ROBO2: variants seen among roughly 807,000 people sequenced by gnomAD.
ROBO2 encodes the protein roundabout homolog 2.
In ROBO2, 53 loss-of-function variants were observed where a neutral mutation model predicts 160.8. The observed-to-expected ratio is 0.33, with a 90% CI of 0.26 to 0.41. The LOEUF (loss-of-function observed/expected upper bound fraction) is 0.41. ROBO2 is among the 10% of genes least tolerant of loss of function. The probability of loss-of-function intolerance (pLI) is 1.00; values close to 1 mark genes in which losing one functional copy is unlikely to be tolerated. For missense variants in ROBO2, 1,577 were observed against 1,722.4 expected (o/e 0.92, Z 1.49); for synonymous variants, 664 against 611.7 (o/e 1.09, Z -1.26).
intron 2 of ROBO2, among the ~76,000 whole-genome samples, chr3:76,557,897 A>C (rs567557959): frequency 9.4e-4 from 143 of 152,058 alleles, no homozygotes; most frequent in African/African-American, 3.4e-3. Flanking sequence ...AAAAAAAAAA[A>C]AAACTACTTG....
chr3:76,023,659 T>C (rs9985231), intron 2 of ROBO2, among the ~76,000 whole-genome samples: 2,019 of 151,582 alleles, frequency 0.013, 38 homozygotes, highest in African/African-American at 0.047. Flanking sequence ...ACTATAACTA[T>C]ATATATAACC....
At chr3:77,275,336 C>T (rs1343151733) in intron 2 of ROBO2, among the ~76,000 whole-genome samples, 1 of 152,072 alleles carries the variant, frequency 6.6e-6, no homozygotes, top group Non-Finnish European at 1.5e-5. Flanking sequence ...TATGTCAAAA[C>T]GTTTTTAGGT....
At chr3:77,533,581 C>G (rs910349948) in intron 6 of ROBO2, among the ~76,000 whole-genome samples, 1 of 152,138 alleles carries the variant, frequency 6.6e-6, no homozygotes, top group African/African-American at 2.4e-5. Context: ...GGGTGACTCA[C>G]TGTGTTAAGT....
intron 2 of ROBO2, among the ~76,000 whole-genome samples, chr3:76,276,438 T>G (rs975390350): frequency 6.6e-6 from 1 of 152,072 alleles, no homozygotes; most frequent in Non-Finnish European, 1.5e-5. Context: ...AACACAGTTA[T>G]AGAATATTTT....
intron 2 of ROBO2, among the ~76,000 whole-genome samples, chr3:76,670,933 CT>C (rs74310624): frequency 0.34 from 48,209 of 143,572 alleles, 8,608 homozygotes; most frequent in East Asian, 0.52. Context: ...GATGAACTTA[CT>C]TTTTTTTTTT....
chr3:76,531,977 A>G (rs1016543404), intron 2 of ROBO2, among the ~76,000 whole-genome samples: 3 of 152,304 alleles, frequency 2.0e-5, no homozygotes, highest in Middle Eastern at 6.8e-3. Context: ...ATGTCTGGTA[A>G]GAGTTTAGGC....
intron 2 of ROBO2, among the ~76,000 whole-genome samples, chr3:77,330,351 C>T (rs2065852733): frequency 1.3e-5 from 2 of 152,152 alleles, no homozygotes; most frequent in African/African-American, 4.8e-5. Flanking sequence ...AACCTTGTTT[C>T]TACTAAAAAT....
intron 6 of ROBO2, among the ~76,000 whole-genome samples, 181 bp from the exon 7 acceptor site, chr3:77,527,222 T>C (rs897691228): frequency 2.6e-5 from 4 of 151,690 alleles, no homozygotes; most frequent in Non-Finnish European, 5.9e-5. Flanking sequence ...CCTAGAATTA[T>C]ATTTATAACT....
At chr3:76,546,769 T>C (rs1167176442) in intron 2 of ROBO2, among the ~76,000 whole-genome samples, 1 of 151,880 alleles carries the variant, frequency 6.6e-6, no homozygotes, top group East Asian at 1.9e-4. Context: ...TTGTTTCTAC[T>C]ACAAGGAAGT....
chr3:77,568,254 A>G, intron 12 of ROBO2, 59 bp from the exon 14 acceptor site: 1 of 1,581,032 alleles, frequency 6.3e-7, no homozygotes. Context: ...TACATAAAAT[A>G]AATTGTAATT....
chr3:76,622,502 A>G (rs2089295124), intron 2 of ROBO2, among the ~76,000 whole-genome samples: 1 of 152,120 alleles, frequency 6.6e-6, no homozygotes, highest in South Asian at 2.1e-4. Flanking sequence ...TGTTCTATTT[A>G]ACAGTCCCAT....
At chr3:76,530,169 C>T (rs1018649349) in intron 2 of ROBO2, among the ~76,000 whole-genome samples, 5 of 152,192 alleles carry the variant, frequency 3.3e-5, no homozygotes, top group Non-Finnish European at 7.3e-5. Context: ...TACCGCTTAC[C>T]CAGCGTGTAC....
At chr3:77,203,692 C>T (rs1579944884) in intron 2 of ROBO2, among the ~76,000 whole-genome samples, 2 of 152,196 alleles carry the variant, frequency 1.3e-5, no homozygotes, top group African/African-American at 4.8e-5. Flanking sequence ...TTCGAGGCTT[C>T]TCTTTACAAG....
intron 2 of ROBO2, among the ~76,000 whole-genome samples, chr3:77,314,313 AGTCT>A (rs2063786805): frequency 6.6e-6 from 1 of 152,228 alleles, no homozygotes; most frequent in Admixed American, 6.5e-5. Flanking sequence ...AATCTTACTT[AGTCT>A]ACATGCTGAC....
At chr3:76,493,364 T>A (rs796113620) in intron 2 of ROBO2, among the ~76,000 whole-genome samples, 23 of 136,730 alleles carry the variant, frequency 1.7e-4, no homozygotes, top group African/African-American at 5.1e-4. Flanking sequence ...TATATATATA[T>A]AATTGTATAT....
intron 2 of ROBO2, among the ~76,000 whole-genome samples, chr3:76,149,853 CATCAT>C (rs1360829897): frequency 9.2e-6 from 1 of 108,330 alleles, no homozygotes; most frequent in East Asian, 3.0e-4. Context: ...CTAAAGCACA[CATCAT>C]ATGTCTAAAG....
chr3:77,351,960 G>C (rs1399602376), intron 2 of ROBO2, among the ~76,000 whole-genome samples: 3 of 151,726 alleles, frequency 2.0e-5, no homozygotes, highest in African/African-American at 7.3e-5. Flanking sequence ...AGTGGGGGCA[G>C]GGGGGAGGGT....
At chr3:76,358,323 T>C (rs1387779526) in intron 2 of ROBO2, among the ~76,000 whole-genome samples, 2 of 151,976 alleles carry the variant, frequency 1.3e-5, no homozygotes, top group Non-Finnish European at 2.9e-5. Context: ...CATATTAAAG[T>C]GTACAGTACT....
At chr3:75,995,165 T>A (rs917154054) in intron 2 of ROBO2, among the ~76,000 whole-genome samples, 1 of 152,190 alleles carries the variant, frequency 6.6e-6, no homozygotes, top group Non-Finnish European at 1.5e-5. Context: ...AGCTAAATGC[T>A]AATCATCAAG....
Sources: allele counts gnomAD v4.1 joint callset (sites outside exome capture counted in the v4.1 genomes callset), GRCh38; gene constraint gnomAD v4.1.1; transcripts MANE v1.5; gene names NCBI Gene and HGNC (gene_info 2026-07-23, HGNC 2026-07-21).